The following OLFM3 variants were observed in gnomAD, a reference collection of about 807,000 sequenced individuals.
OLFM3 encodes the protein olfactomedin 3.
In OLFM3, 20 loss-of-function variants were observed where a neutral mutation model predicts 48.6. The ratio of observed to expected loss-of-function variants is 0.41; its 90% CI spans 0.29 to 0.60. The LOEUF (loss-of-function observed/expected upper bound fraction) is 0.60. OLFM3 is among the 20% of genes least tolerant of loss of function. The probability of loss-of-function intolerance (pLI) is 0.28; values close to 1 mark genes in which losing one functional copy is unlikely to be tolerated. For missense variants in OLFM3, 437 were observed against 544.3 expected, an observed-to-expected ratio of 0.80 and a Z score of 1.96; for synonymous variants, 222 against 198.1, an observed-to-expected ratio of 1.12 and a Z score of -1.01.
intron 1 of OLFM3, among the ~76,000 whole-genome samples, chr1:101,948,820 A>G (rs923321344): frequency 4.0e-5 from 6 of 149,204 alleles, no homozygotes; most frequent in Non-Finnish European, 1.5e-5. Flanking sequence ...TCTCTTAGCA[A>G]TGCTGTGACT....
intron 1 of OLFM3, among the ~76,000 whole-genome samples, chr1:101,985,205 A>G (rs1399695303): frequency 3.3e-5 from 5 of 152,176 alleles, no homozygotes; most frequent in Admixed American, 1.3e-4. Context: ...TAAAAGGACC[A>G]TTTTGATTAT....
intron 1 of OLFM3, among the ~76,000 whole-genome samples, chr1:101,941,997 A>G (rs1183042175): frequency 6.6e-6 from 1 of 152,160 alleles, no homozygotes; most frequent in Non-Finnish European, 1.5e-5. Context: ...TTTTATCCCA[A>G]TTTTGTAAAT....
chr1:101,924,973 G>A (rs1189901521), intron 1 of OLFM3, among the ~76,000 whole-genome samples: 1 of 151,988 alleles, frequency 6.6e-6, no homozygotes, highest in Non-Finnish European at 1.5e-5. Flanking sequence ...GGATCACAGG[G>A]GAATGAATAA....
At chr1:101,913,180 T>C (rs1008204077) in intron 1 of OLFM3, among the ~76,000 whole-genome samples, 1 of 152,208 alleles carries the variant, frequency 6.6e-6, no homozygotes, top group South Asian at 2.1e-4. Context: ...TTAGTCATAA[T>C]TGCACCATCT....
intron 1 of OLFM3, among the ~76,000 whole-genome samples, chr1:101,863,735 G>GA (rs1199734644): frequency 6.6e-6 from 1 of 152,018 alleles, no homozygotes. Flanking sequence ...CTGACACAAA[G>GA]AAAATATTTT....
At chr1:101,879,511 T>A (rs770352354) in intron 1 of OLFM3, among the ~76,000 whole-genome samples, 1 of 151,904 alleles carries the variant, frequency 6.6e-6, no homozygotes, top group Non-Finnish European at 1.5e-5. Context: ...ATTTTATATG[T>A]CTTACTGTTA....
At chr1:101,837,288 C>T (rs1241322024) in intron 1 of OLFM3, among the ~76,000 whole-genome samples, 1 of 152,218 alleles carries the variant, frequency 6.6e-6, no homozygotes, top group East Asian at 1.9e-4. Context: ...ATACTATTTC[C>T]CAATGCTTTT....
intron 1 of OLFM3, among the ~76,000 whole-genome samples, chr1:101,969,305 C>T (rs1257724913): frequency 2.2e-5 from 3 of 137,998 alleles, no homozygotes; most frequent in African/African-American, 8.2e-5. Context: ...TGCAACACCA[C>T]GCCTGGCTAT....
chr1:101,833,500 C>A lies in OLFM3; in HGVS notation c.217-2673G>T, dbSNP rs1421298006. 2.6e-5 allele frequency among the ~76,000 whole-genome samples: 4 copies of A among 152,254 alleles called. No individual in the cohort carries two copies. In the East Asian group the frequency reaches 7.7e-4, roughly 29 times the overall value. On this transcript the variant is annotated intron_variant, in intron 2 of 5. Transcript: ENST00000370103. Reference sequence around the variant, plus strand: ...GGAAGGAGAACTGTCTGCTATGTTCCCTCTTTTTGTTGGCTTATCTCTGCG... The same window carrying A: ...GGAAGGAGAACTGTCTGCTATGTTCACTCTTTTTGTTGGCTTATCTCTGCG...
intron 1 of OLFM3, among the ~76,000 whole-genome samples, chr1:101,941,790 TG>T (rs1659802281): frequency 6.6e-6 from 1 of 152,170 alleles, no homozygotes; most frequent in Non-Finnish European, 1.5e-5. Context: ...TTCAAACAAG[TG>T]GGGCATTGAT....
intron 1 of OLFM3, among the ~76,000 whole-genome samples, chr1:101,949,049 T>C (rs1032857298): frequency 1.3e-5 from 2 of 151,792 alleles, no homozygotes; most frequent in African/African-American, 4.8e-5. Flanking sequence ...TCTTCCTATG[T>C]ATTTGGAATG....
intron 1 of OLFM3, among the ~76,000 whole-genome samples, chr1:101,930,856 T>C (rs940311743): frequency 6.6e-6 from 1 of 152,222 alleles, no homozygotes; most frequent in Non-Finnish European, 1.5e-5. Context: ...CCAGCATTTT[T>C]ACATGAGGCA....
chr1:101,903,019 C>T (rs1055391164), intron 1 of OLFM3, among the ~76,000 whole-genome samples: 3 of 152,062 alleles, frequency 2.0e-5, no homozygotes, highest in African/African-American at 7.2e-5. Context: ...ATCCACTTGA[C>T]AGCTTGGCTT....
chr1:101,885,498 T>C (rs1330867525), intron 1 of OLFM3, among the ~76,000 whole-genome samples: 6 of 151,800 alleles, frequency 4.0e-5, no homozygotes, highest in Non-Finnish European at 8.8e-5. Flanking sequence ...ACATGGAGAG[T>C]GCCTGCCTCT....
At chr1:101,961,536 A>G (rs549815513) in intron 1 of OLFM3, among the ~76,000 whole-genome samples, 2 of 152,192 alleles carry the variant, frequency 1.3e-5, no homozygotes, top group East Asian at 1.9e-4. Context: ...GAAAACACCT[A>G]TAGAAATCCC....
At chr1:101,932,291 A>C (rs1227411042) in intron 1 of OLFM3, among the ~76,000 whole-genome samples, 1 of 152,198 alleles carries the variant, frequency 6.6e-6, no homozygotes, top group Non-Finnish European at 1.5e-5. Context: ...AGGAGTAAGC[A>C]TTTTAAAAGT....
chr1:101,893,292 G>A (rs1049803780), intron 1 of OLFM3: 4 of 366,286 alleles, frequency 1.1e-5, no homozygotes, highest in Admixed American at 3.0e-5. Flanking sequence ...AATTGCCAAG[G>A]TATTGGAATG....
chr1:101,901,736 A>G (rs371073380), intron 1 of OLFM3, among the ~76,000 whole-genome samples: 1 of 152,076 alleles, frequency 6.6e-6, no homozygotes, highest in African/African-American at 2.4e-5. Flanking sequence ...GGGCAATTGC[A>G]AAGGATGGTG....
chr1:101,827,641 A>G (rs1251130872), intron 3 of OLFM3, among the ~76,000 whole-genome samples: 2 of 152,226 alleles, frequency 1.3e-5, no homozygotes, highest in Non-Finnish European at 2.9e-5. Context: ...AGAAATAAAT[A>G]AACTCCACAA....
Sources: allele counts gnomAD v4.1 joint callset (sites outside exome capture counted in the v4.1 genomes callset), GRCh38; gene constraint gnomAD v4.1.1; transcripts MANE v1.5; gene names NCBI Gene and HGNC (gene_info 2026-07-23, HGNC 2026-07-21).